GLI3: variants seen among roughly 807,000 people sequenced by gnomAD.
GLI3 encodes GLI family zinc finger 3, also known as transcription activator GLI3.
In GLI3, 20 loss-of-function variants were observed where a neutral mutation model predicts 100.8. The ratio of observed to expected loss-of-function variants is 0.20; its 90% CI spans 0.14 to 0.29. The LOEUF is 0.29. GLI3 is among the 10% of genes least tolerant of loss of function. The probability of loss-of-function intolerance (pLI) is 1.00; values close to 1 mark genes in which losing one functional copy is unlikely to be tolerated. For missense variants in GLI3, 2,040 were observed against 2,128.5 expected, an observed-to-expected ratio of 0.96 and a Z score of 0.82; for synonymous variants, 938 against 860.5, an observed-to-expected ratio of 1.09 and a Z score of -1.58.
chr7:42,174,526 G>C (rs2128678252), intron 2 of GLI3, among the ~76,000 whole-genome samples: 1 of 152,268 alleles, frequency 6.6e-6, no homozygotes, highest in Non-Finnish European at 1.5e-5. Context: ...GCTCCGTGTT[G>C]TTAACCAGCT....
chr7:42,133,201 T>C (rs1206880317), intron 3 of GLI3, among the ~76,000 whole-genome samples: 2 of 152,314 alleles, frequency 1.3e-5, no homozygotes, highest in Admixed American at 1.3e-4. Context: ...AAAACAAACT[T>C]ATGACTCCTT....
chr7:42,023,053 G>A (rs923445952), intron 10 of GLI3, among the ~76,000 whole-genome samples: 2 of 152,170 alleles, frequency 1.3e-5, no homozygotes, highest in Non-Finnish European at 2.9e-5. Context: ...CTTAGGCTTT[G>A]AGAGTTTGGG....
chr7:42,129,560 C>T (rs1403108001), intron 3 of GLI3, among the ~76,000 whole-genome samples: 1 of 152,104 alleles, frequency 6.6e-6, no homozygotes, highest in African/African-American at 2.4e-5. Flanking sequence ...CCTGTAATCC[C>T]AGCACTTTGG....
intron 7 of GLI3, among the ~76,000 whole-genome samples, chr7:42,030,342 T>C (rs1429886128): frequency 1.3e-5 from 2 of 152,238 alleles, no homozygotes; most frequent in African/African-American, 4.8e-5. Context: ...CGTTCTGGCA[T>C]GGAAGGTAAC....
intron 3 of GLI3, among the ~76,000 whole-genome samples, chr7:42,083,966 T>C (rs1446695755): frequency 6.6e-6 from 1 of 152,142 alleles, no homozygotes; most frequent in Non-Finnish European, 1.5e-5. Context: ...AAATACAAAT[T>C]TACATAAAAT....
At chr7:42,062,627 C>A (rs1043933925) in intron 4 of GLI3, among the ~76,000 whole-genome samples, 2 of 151,976 alleles carry the variant, frequency 1.3e-5, no homozygotes, top group African/African-American at 4.8e-5. Context: ...TTCTCCCATC[C>A]AGGTTTGTGC....
At chr7:42,119,876 G>C (rs1426452773) in intron 3 of GLI3, among the ~76,000 whole-genome samples, 1 of 152,118 alleles carries the variant, frequency 6.6e-6, no homozygotes, top group Non-Finnish European at 1.5e-5. Flanking sequence ...TTGGTTCCCA[G>C]TGTGAAATTT....
chr7:41,989,839 C>A (rs925509458), intron 10 of GLI3, among the ~76,000 whole-genome samples: 5 of 151,570 alleles, frequency 3.3e-5, no homozygotes, highest in Non-Finnish European at 5.9e-5. Flanking sequence ...TCAACACCAG[C>A]CTGGGCAACA....
intron 2 of GLI3, among the ~76,000 whole-genome samples, chr7:42,184,410 C>T (rs1787678603): frequency 6.6e-6 from 1 of 152,194 alleles, no homozygotes; most frequent in African/African-American, 2.4e-5. Flanking sequence ...TTATGATCAT[C>T]AGAGCACCCA....
chr7:42,208,839 C>T (rs752848057), intron 2 of GLI3, among the ~76,000 whole-genome samples: 2 of 152,138 alleles, frequency 1.3e-5, no homozygotes. Context: ...CCACACACAT[C>T]TTCTTCCAGG....
At chr7:42,024,841 G>C (rs538152778) in intron 9 of GLI3, among the ~76,000 whole-genome samples, 1 of 152,272 alleles carries the variant, frequency 6.6e-6, no homozygotes, top group East Asian at 1.9e-4. Flanking sequence ...AAGAAAAAAT[G>C]ATATAGGAGC....
intron 7 of GLI3, among the ~76,000 whole-genome samples, chr7:42,029,585 C>A (rs540595633): frequency 2.0e-5 from 3 of 152,078 alleles, no homozygotes; most frequent in Non-Finnish European, 4.4e-5. Flanking sequence ...TGGGGAGGGC[C>A]GTGGAGGAGG....
At chr7:42,055,358 G>T (rs562704783) in intron 4 of GLI3, among the ~76,000 whole-genome samples, 56 of 152,216 alleles carry the variant, frequency 3.7e-4, no homozygotes, top group African/African-American at 1.3e-3. Context: ...CAAGGCCACA[G>T]CCTGTGTGGG....
At chr7:42,030,821 C>T (rs567263719) in intron 7 of GLI3, among the ~76,000 whole-genome samples, 4 of 151,662 alleles carry the variant, frequency 2.6e-5, no homozygotes, top group Non-Finnish European at 4.4e-5. Context: ...CAGGTTCAAG[C>T]GATTCTCCTG....
intron 11 of GLI3, 55 bp from the exon 12 acceptor site, chr7:41,977,777 G>A: frequency 6.9e-7 from 1 of 1,447,394 alleles, no homozygotes; most frequent in Non-Finnish European, 9.7e-7. Flanking sequence ...AGCAGCTTAT[G>A]CCTAACACGC....
intron 10 of GLI3, among the ~76,000 whole-genome samples, chr7:41,984,089 C>T (rs372567551): frequency 7.6e-4 from 115 of 152,260 alleles, no homozygotes; most frequent in African/African-American, 2.7e-3. Flanking sequence ...TTTCTTTTAA[C>T]GGAGTTTCTT....
intron 2 of GLI3, among the ~76,000 whole-genome samples, chr7:42,174,160 GT>G (rs1787433285): frequency 6.6e-6 from 1 of 151,970 alleles, no homozygotes; most frequent in African/African-American, 2.4e-5. Flanking sequence ...AAACATAAAT[GT>G]TATAATTGAG....
chr7:42,010,710 A>G lies in GLI3; in HGVS notation c.1497+12758T>C, dbSNP rs1055269040. Among the ~76,000 whole-genome samples, 4 of 152,224 alleles carry G rather than the reference A, an allele frequency of 2.6e-5. No individual in the cohort carries two copies. The East Asian group carries it at 5.8e-4, about 22-fold the overall frequency. ...AATAAAATGCATACATTTAATAGTT[A>G]AGAACATCTAAAGGCCAAACCTTCC... On this transcript the variant is annotated intron_variant, in intron 10 of 14. Coordinates refer to ENST00000395925, the MANE Select transcript of GLI3 (RefSeq NM_000168.6).
intron 4 of GLI3, among the ~76,000 whole-genome samples, chr7:42,070,008 T>C (rs946923516): frequency 5.9e-5 from 9 of 152,246 alleles, no homozygotes; most frequent in Non-Finnish European, 8.8e-5. Context: ...TCTACGCAGA[T>C]ACACATTGTG....
Sources: allele counts gnomAD v4.1 joint callset (sites outside exome capture counted in the v4.1 genomes callset), GRCh38; gene constraint gnomAD v4.1.1; transcripts MANE v1.5; gene names NCBI Gene and HGNC (gene_info 2026-07-23, HGNC 2026-07-21).